Variants in NKAIN2 observed in about 807,000 individuals in gnomAD.
NKAIN2 encodes the protein sodium/potassium transporting ATPase interacting 2.
Under a neutral mutation model 32.6 loss-of-function variants are expected in NKAIN2, and 14 were observed. That is an observed-to-expected ratio of 0.43 (90% confidence interval 0.28 to 0.67). The LOEUF is 0.67. Ranked by LOEUF, NKAIN2 falls within the 30% of genes least tolerant of loss-of-function variation. NKAIN2 has a pLI of 0.17. For missense variants in NKAIN2, 198 were observed against 258.3 expected, an observed-to-expected ratio of 0.77 and a Z score of 1.60; for synonymous variants, 80 against 87.2, an observed-to-expected ratio of 0.92 and a Z score of 0.46.
intron 1 of NKAIN2, among the ~76,000 whole-genome samples, chr6:124,228,671 G>T (rs879725462): frequency 7.2e-5 from 11 of 152,062 alleles, no homozygotes; most frequent in Non-Finnish European, 1.3e-4. Flanking sequence ...CTATGCTGAG[G>T]TCCTTTGTAA....
At chr6:124,345,308 T>C (rs1583087627) in intron 2 of NKAIN2, among the ~76,000 whole-genome samples, 1 of 152,176 alleles carries the variant, frequency 6.6e-6, no homozygotes, top group Non-Finnish European at 1.5e-5. Context: ...TTTGGTTGTG[T>C]CTCTGCCAGT....
At chr6:124,217,304 T>A (rs1791529249) in intron 1 of NKAIN2, among the ~76,000 whole-genome samples, 1 of 152,060 alleles carries the variant, frequency 6.6e-6, no homozygotes, top group South Asian at 2.1e-4. Context: ...CAGGATTAAA[T>A]GTTTACTTGA....
chr6:124,724,379 G>A, intron 4 of NKAIN2, among the ~76,000 whole-genome samples: 1 of 152,112 alleles, frequency 6.6e-6, no homozygotes. Context: ...GCTATTATAA[G>A]TTATTATATC....
At chr6:124,188,071 A>G (rs1229616708) in intron 1 of NKAIN2, among the ~76,000 whole-genome samples, 1 of 152,202 alleles carries the variant, frequency 6.6e-6, no homozygotes, top group African/African-American at 2.4e-5. Context: ...ACTTGAAGTA[A>G]CATACAAATA....
chr6:123,913,876 C>A (rs1490019787), intron 1 of NKAIN2, among the ~76,000 whole-genome samples: 1 of 152,018 alleles, frequency 6.6e-6, no homozygotes, highest in Non-Finnish European at 1.5e-5. Flanking sequence ...TAATTAATAT[C>A]ATAATTCTTC....
At chr6:124,661,606 G>C (rs1003834762) in intron 4 of NKAIN2, among the ~76,000 whole-genome samples, 11 of 152,118 alleles carry the variant, frequency 7.2e-5, no homozygotes, top group African/African-American at 2.7e-4. Context: ...TTGGGACGAG[G>C]GGCTATTAAT....
At chr6:124,484,818 T>C (rs1021816435) in intron 3 of NKAIN2, among the ~76,000 whole-genome samples, 37 of 152,298 alleles carry the variant, frequency 2.4e-4, no homozygotes, top group Non-Finnish European at 2.4e-4. Context: ...TGCATAAATA[T>C]ATACATGCAT....
chr6:123,868,136 G>C (rs553779600), intron 1 of NKAIN2, among the ~76,000 whole-genome samples: 4 of 152,224 alleles, frequency 2.6e-5, no homozygotes, highest in South Asian at 2.1e-4. Context: ...CCAAAGTGCT[G>C]GGATTACAGG....
chr6:124,586,380 T>G (rs1014495993), intron 3 of NKAIN2, among the ~76,000 whole-genome samples: 2 of 152,108 alleles, frequency 1.3e-5, no homozygotes, highest in Non-Finnish European at 2.9e-5. Context: ...TACTTATAAC[T>G]GAGAGCTCAA....
intron 3 of NKAIN2, among the ~76,000 whole-genome samples, chr6:124,454,809 C>T (rs116339943): frequency 0.02 from 2,994 of 152,102 alleles, 110 homozygotes; most frequent in African/African-American, 0.068. Context: ...TACCATTTAG[C>T]TTCTTTCAGG....
intron 4 of NKAIN2, among the ~76,000 whole-genome samples, chr6:124,680,734 G>T (rs1041806051): frequency 2.6e-5 from 4 of 151,940 alleles, no homozygotes; most frequent in African/African-American, 9.7e-5. Context: ...CAAAATAAAG[G>T]TTAAATATAA....
chr6:124,043,223 G>A (rs377721157), intron 1 of NKAIN2, among the ~76,000 whole-genome samples: 5 of 152,100 alleles, frequency 3.3e-5, no homozygotes, highest in South Asian at 2.1e-4. Context: ...TAGGCATGGT[G>A]GCGGGTGCCT....
intron 4 of NKAIN2, among the ~76,000 whole-genome samples, chr6:124,739,029 A>C (rs559110315): frequency 6.6e-6 from 1 of 152,004 alleles, no homozygotes; most frequent in Non-Finnish European, 1.5e-5. Flanking sequence ...ATTTATAGAT[A>C]ATGCATATAA....
intron 3 of NKAIN2, among the ~76,000 whole-genome samples, chr6:124,511,774 C>A (rs1413324483): frequency 6.6e-6 from 1 of 152,096 alleles, no homozygotes; most frequent in African/African-American, 2.4e-5. Flanking sequence ...TATCCTTGTG[C>A]TCCCTAGGTT....
chr6:123,984,237 G>A (rs1779033239), intron 1 of NKAIN2, among the ~76,000 whole-genome samples: 1 of 151,906 alleles, frequency 6.6e-6, no homozygotes. Flanking sequence ...TGAAGGCTTA[G>A]TTCAAATTAT....
intron 1 of NKAIN2, among the ~76,000 whole-genome samples, chr6:123,998,018 C>T (rs1162010112): frequency 1.3e-5 from 2 of 152,118 alleles, no homozygotes. Context: ...TCATTTCCCT[C>T]CATACTCCAT....
chr6:124,745,094 T>G (rs922930307), intron 4 of NKAIN2, among the ~76,000 whole-genome samples: 1 of 151,816 alleles, frequency 6.6e-6, no homozygotes, highest in African/African-American at 2.4e-5. Flanking sequence ...AATACTATGG[T>G]GGAAAAGACA....
At chr6:123,833,726 T>TGTGTGTGTG (rs1554211809) in intron 1 of NKAIN2, among the ~76,000 whole-genome samples, 3 of 150,236 alleles carry the variant, frequency 2.0e-5, no homozygotes, top group South Asian at 2.1e-4. Flanking sequence ...TGTGTGTGTG[T>TGTGTGTGTG]TTCCTGTGGA....
intron 1 of NKAIN2, among the ~76,000 whole-genome samples, chr6:124,033,358 C>T (rs1334120995): frequency 6.6e-6 from 1 of 151,774 alleles, no homozygotes; most frequent in Non-Finnish European, 1.5e-5. Context: ...ATCATTTTGC[C>T]CTCTTCTTAC....
Sources: allele counts gnomAD v4.1 joint callset (sites outside exome capture counted in the v4.1 genomes callset), GRCh38; gene constraint gnomAD v4.1.1; transcripts MANE v1.5; gene names NCBI Gene and HGNC (gene_info 2026-07-23, HGNC 2026-07-21).